Variants in WNK2 observed in about 807,000 individuals in gnomAD.
The protein encoded by WNK2 is serine/threonine-protein kinase WNK2.
In WNK2, 67 loss-of-function variants were observed where a neutral mutation model predicts 192.1. That is an observed-to-expected ratio of 0.35 (90% CI 0.29 to 0.43). The LOEUF (loss-of-function observed/expected upper bound fraction) is 0.43. WNK2 is among the 20% of genes least tolerant of loss of function. The pLI is 1.00. For missense variants in WNK2, 2,698 were observed against 3,089.7 expected (o/e 0.87, Z 3.01); for synonymous variants, 1,439 against 1,393.9 (o/e 1.03, Z -0.72).
intron 19 of WNK2, among the ~76,000 whole-genome samples, 166 bp from the exon 20 acceptor site, chr9:93,288,622 C>T (rs1454914894): frequency 6.6e-6 from 1 of 152,184 alleles, no homozygotes; most frequent in African/African-American, 2.4e-5. Context: ...GCAGCCAAGG[C>T]TGGGCTGAGC....
chr9:93,262,523 C>A, intron 13 of WNK2, 147 bp from the exon 14 acceptor site: 1 of 841,466 alleles, frequency 1.2e-6, no homozygotes, highest in Non-Finnish European at 1.9e-6. Context: ...GGGTCGTACC[C>A]ACCTGGCTGC....
chr9:93,249,866 A>G (rs563145357), intron 8 of WNK2, among the ~76,000 whole-genome samples: 2 of 150,522 alleles, frequency 1.3e-5, no homozygotes, highest in African/African-American at 4.9e-5. Flanking sequence ...GGAGGTAGCA[A>G]ATCACTTCAT....
chr9:93,293,389 C>T (rs3793546), intron 23 of WNK2, among the ~76,000 whole-genome samples: 54,974 of 149,262 alleles, frequency 0.37, 10,369 homozygotes, highest in South Asian at 0.61. Context: ...GTGCAATCTT[C>T]GCTCGCTGCA....
At chr9:93,231,447 G>T (rs528464903) in intron 4 of WNK2, among the ~76,000 whole-genome samples, 1 of 152,234 alleles carries the variant, frequency 6.6e-6, no homozygotes, top group Non-Finnish European at 1.5e-5. Flanking sequence ...AGCTCTGATT[G>T]TCTAGCAGGG....
At position 93,253,053 on chromosome 9, in the gene WNK2, C is replaced by T; in HGVS notation, c.2005C>T (p.Leu669=). The stretch of plus-strand genomic sequence containing the variant: ...CGTCCTGCCGCAGAGCCTGCCCTCG[C>T]TGGGGGCCTACCAGCAGCCCACGGC... ...GPVLPQSLPS[L]GAYQQPTAAP... Residue 669 remains leucine (L), a synonymous_variant, in exon 9 of 30, where the codon CTG becomes TTG. Coordinates refer to ENST00000427277, the MANE Select transcript of WNK2 (RefSeq NM_006648.4). 2 of 1,511,740 alleles carry T rather than the reference C, an allele frequency of 1.3e-6. No individual in the cohort carries two copies. Among genetic ancestry groups the T allele is most frequent in the Non-Finnish European group, 1.8e-6 (2 of 1,130,384 alleles). 93.6% of individuals were successfully genotyped at this position (1,511,740 alleles called of 1,614,324 possible). A position where few individuals can be genotyped will look rare whatever the true frequency, so the allele number is the denominator to read the frequency against.
intron 2 of WNK2, among the ~76,000 whole-genome samples, chr9:93,217,208 C>T (rs532999228): frequency 3.1e-4 from 47 of 152,286 alleles, no homozygotes; most frequent in African/African-American, 1.1e-3. Context: ...CCGCCTGCCT[C>T]GGCCTCCCAA....
At chr9:93,299,584 C>T (rs907558175) in intron 25 of WNK2, among the ~76,000 whole-genome samples, 1 of 152,130 alleles carries the variant, frequency 6.6e-6, no homozygotes, top group African/African-American at 2.4e-5. Flanking sequence ...AGTTCCCAGG[C>T]ACTGGCTGCC....
intron 3 of WNK2, among the ~76,000 whole-genome samples, 174 bp from the exon 4 acceptor site, chr9:93,230,713 GC>G (rs1331700850): frequency 6.6e-5 from 10 of 152,234 alleles, no homozygotes; most frequent in Non-Finnish European, 2.9e-5. Flanking sequence ...CAGGGGCCTG[GC>G]TCCAGGGCGG....
intron 2 of WNK2, among the ~76,000 whole-genome samples, chr9:93,187,587 C>G (rs1184923735): frequency 6.6e-6 from 1 of 152,180 alleles, no homozygotes; most frequent in African/African-American, 2.4e-5. Context: ...TTGCTGAGAA[C>G]TTGGTGTGTG....
intron 21 of WNK2, 106 bp from the exon 22 acceptor site, chr9:93,292,201 TG>T: frequency 8.7e-7 from 1 of 1,144,182 alleles, no homozygotes; most frequent in Non-Finnish European, 1.3e-6. Flanking sequence ...CCTGCCTGTC[TG>T]GAGGCACTCC....
At chr9:93,263,368 G>A (rs576893132) in intron 14 of WNK2, 198 bp from the exon 15 acceptor site, 16 of 642,190 alleles carry the variant, frequency 2.5e-5, no homozygotes, top group Non-Finnish European at 4.3e-5. Context: ...CCTTCTGCCC[G>A]TGCCACTTGG....
intron 12 of WNK2, among the ~76,000 whole-genome samples, chr9:93,261,090 C>A (rs752502622): frequency 5.1e-4 from 77 of 152,050 alleles, no homozygotes; most frequent in African/African-American, 1.8e-3. Context: ...CTTGTCTGTC[C>A]GGGAGGGAAG....
At chr9:93,280,173 A>T (rs929070613) in intron 19 of WNK2, among the ~76,000 whole-genome samples, 6 of 152,240 alleles carry the variant, frequency 3.9e-5, no homozygotes, top group Admixed American at 1.3e-4. Context: ...TTGTATCCAG[A>T]TATCAGGAAC....
intron 2 of WNK2, among the ~76,000 whole-genome samples, chr9:93,213,588 A>C (rs1260141218): frequency 6.6e-6 from 1 of 152,190 alleles, no homozygotes; most frequent in Non-Finnish European, 1.5e-5. Context: ...TTGGGAGTTA[A>C]AGACCAGCCC....
intron 28 of WNK2, chr9:93,316,781 G>A (rs1854746947): frequency 6.6e-6 from 1 of 152,572 alleles, no homozygotes. Context: ...CTGGAAGCAT[G>A]GAGGCACCTT....
intron 2 of WNK2, among the ~76,000 whole-genome samples, chr9:93,202,805 A>T (rs999190954): frequency 1.3e-5 from 2 of 152,032 alleles, no homozygotes; most frequent in African/African-American, 4.8e-5. Context: ...GGGCAGGGAC[A>T]CTGAGGCACA....
rs142760352 is a variant in WNK2, at chr9:93,219,777, G to A, written c.682-9919G>A. Among the ~76,000 whole-genome samples the A allele has an allele frequency of 5.3e-3, 813 of 152,348 alleles. 7 individuals are homozygous for A. The highest frequency in any genetic ancestry group is 0.018 in the African/African-American group (764 of 41,572). On this transcript the variant is annotated intron_variant, in intron 2 of 29. Coordinates refer to ENST00000427277, the MANE Select transcript of WNK2 (RefSeq NM_006648.4). ...GAAATAAAACACCCGTATGCCATGT[G>A]CCCAGCTCCACCTGTTGCCACCAGC...
chr9:93,231,129 C>T, intron 4 of WNK2, 21 bp downstream of exon 4: 1 of 1,610,058 alleles, frequency 6.2e-7, no homozygotes, highest in Non-Finnish European at 8.5e-7. Flanking sequence ...TTCTCCTCCC[C>T]AGGCCCTTGG....
rs368584168 is a variant in WNK2 at position 93,186,500 on chromosome 9, G to A, written c.681+890G>A. On this transcript the variant is annotated intron_variant, in intron 2 of 29. Transcript: ENST00000427277. Reference sequence around the variant, plus strand: ...CCTTGGAGGTGGGCAGCTGTCAGGCGTGAGCCAGTCTGGGAGAGTGCCGGC... The same window carrying A: ...CCTTGGAGGTGGGCAGCTGTCAGGCATGAGCCAGTCTGGGAGAGTGCCGGC... Among the ~76,000 whole-genome samples, 9 of 152,278 alleles carry A rather than the reference G, an allele frequency of 5.9e-5. No individual in the cohort carries two copies. The South Asian group carries it at 1.2e-3, about 21-fold the overall frequency.
Sources: gnomAD v4.1 joint callset for allele counts (sites outside exome capture counted in the v4.1 genomes callset) on GRCh38, gnomAD v4.1.1 for gene constraint, MANE v1.5 for transcripts, NCBI Gene and HGNC (gene_info 2026-07-23, HGNC 2026-07-21) for gene names.